PRPF38A: variants seen among roughly 807,000 people sequenced by gnomAD.
PRPF38A encodes pre-mRNA-splicing factor 38A.
PRPF38A carries 11 observed loss-of-function variants against 46.8 expected under a neutral mutation model. That is an observed-to-expected ratio of 0.24 (90% CI 0.15 to 0.39). The LOEUF is 0.39. Among genes scored for constraint, PRPF38A ranks in the 10% least tolerant of loss-of-function variants. The probability of loss-of-function intolerance (pLI) is 1.00; values close to 1 mark genes in which losing one functional copy is unlikely to be tolerated. For missense variants in PRPF38A, 261 were observed against 407.5 expected (o/e 0.64, Z 3.10); for synonymous variants, 124 against 136.2 (o/e 0.91, Z 0.62).
chr1:52,415,268 G>A (rs1459016207), intron 8 of PRPF38A, 70 bp from the exon 9 acceptor site: 2 of 1,481,032 alleles, frequency 1.4e-6, no homozygotes, highest in East Asian at 2.3e-5. Context: ...CAGGTATTAG[G>A]GGAGGTGAGA....
At chr1:52,416,109 G>T (rs2147960031) in intron 9 of PRPF38A, among the ~76,000 whole-genome samples, 1 of 152,024 alleles carries the variant, frequency 6.6e-6, no homozygotes, top group South Asian at 2.1e-4. Context: ...AAAGTGCTGG[G>T]ATTACAGGCA....
Position 52,414,812 on chromosome 1 carries a change from G to T in PRPF38A, c.800G>T (p.Arg267Leu), listed in dbSNP as rs556578387. 9 of 1,614,142 alleles carry T rather than the reference G, an allele frequency of 5.6e-6. No homozygotes were observed. The East Asian group carries it at 2.0e-4, about 36-fold the overall frequency. Residue 267 changes from arginine (R) to leucine (L), a missense_variant, in exon 8 of 10, where the codon CGC becomes CTC. Physicochemically the swap from Arg to Leu is moderately radical, Grantham distance 102 (BLOSUM62 -2). Around this residue, in one of 2 missense-constraint regions of PRPF38A, gnomAD observed 180 missense variants for 221.0 expected, o/e 0.81. Transcript: ENST00000257181. Reference sequence around the variant, plus strand: ...CGGAGCAAGAGTCCAAGACGTCACCGCAGCAGGTCCCGAGATCGGCGGCAC... The same window carrying T: ...CGGAGCAAGAGTCCAAGACGTCACCTCAGCAGGTCCCGAGATCGGCGGCAC... ...RHRSKSPRRH[R>L]SRSRDRRHRS... is the part of the protein sequence containing the mutation.
intron 5 of PRPF38A, 97 bp downstream of exon 5, chr1:52,412,721 C>A: frequency 1.3e-6 from 1 of 760,716 alleles, no homozygotes; most frequent in South Asian, 1.8e-5. Flanking sequence ...CTCTATTGGC[C>A]GGGCGTGGTC....
At chr1:52,406,467 G>C (rs1648001672) in intron 2 of PRPF38A, among the ~76,000 whole-genome samples, 2 of 152,160 alleles carry the variant, frequency 1.3e-5, no homozygotes, top group South Asian at 2.1e-4. Flanking sequence ...AACAACAAAA[G>C]GTGGTGGTTA....
rs1349599011 is a variant in PRPF38A, at chr1:52,405,728, T to C, written c.179T>C (p.Val60Ala). 1.9e-6 allele frequency: 3 copies of C among 1,613,856 alleles called. No individual in the cohort carries two copies. Among genetic ancestry groups the C allele is most frequent in the Non-Finnish European group, 2.5e-6 (3 of 1,180,028 alleles). Residue 60 changes from valine to alanine, a missense_variant, in exon 2 of 10, where the codon GTC (valine) becomes GCC (alanine). By Grantham distance (64) the Val-to-Ala change is moderately conservative. This residue lies in a region of PRPF38A where 81 missense variants were observed against 186.5 expected (regional missense o/e 0.43). Coordinates refer to ENST00000257181, the MANE Select transcript of PRPF38A (RefSeq NM_032864.4). ...ATGGAGTTAAGGTTTGTGGGTGGCG[T>C]CTATGGTGGCAACATAAAACCAACA... is the stretch of plus-strand genomic sequence containing the variant. Reference protein sequence around the residue: ...KAMELRFVGGVYGGNIKPTPF... With the variant: ...KAMELRFVGGAYGGNIKPTPF...
chr1:52,416,112 T>G (rs1459246193), intron 9 of PRPF38A, among the ~76,000 whole-genome samples: 3 of 152,070 alleles, frequency 2.0e-5, no homozygotes, highest in African/African-American at 7.2e-5. Context: ...GTGCTGGGAT[T>G]ACAGGCATGA....
chr1:52,414,019 A>G (rs1365002388), intron 6 of PRPF38A, 28 bp downstream of exon 6: 1 of 1,499,850 alleles, frequency 6.7e-7, no homozygotes, highest in African/African-American at 1.4e-5. Context: ...GCCTTTTCCC[A>G]GAAGATTTTG....
At position 52,419,863 on chromosome 1, in the gene PRPF38A, A is replaced by T. The variant is rs1476103308; in HGVS notation, c.*3173A>T. 6.6e-6 allele frequency: 1 copy of T among 152,288 alleles called. No individual in the cohort carries two copies. Among genetic ancestry groups the T allele is most frequent in the Non-Finnish European group, 1.5e-5 (1 of 68,126 alleles). The allele number at this position is 152,288 out of a possible 1,614,324, so 9.4% of individuals were successfully genotyped here. A position where few individuals can be genotyped will look rare whatever the true frequency, so the allele number is the denominator to read the frequency against. On this transcript the variant is annotated 3_prime_UTR_variant, in exon 10 of 10. Transcript: ENST00000257181. Reference sequence around the variant, plus strand: ...CAGGAGATCGAGACCATCCAGGCTAACACAGTGAAACCCGTCTCTACTAAA... The same window carrying T: ...CAGGAGATCGAGACCATCCAGGCTATCACAGTGAAACCCGTCTCTACTAAA...
chr1:52,416,034 G>A (rs1009054148), intron 9 of PRPF38A, among the ~76,000 whole-genome samples: 8 of 151,668 alleles, frequency 5.3e-5, no homozygotes, highest in Non-Finnish European at 1.0e-4. Context: ...AGTAGAGACG[G>A]GGTTTCACCA....
chr1:52,413,410 A>C (rs757630604), intron 5 of PRPF38A, among the ~76,000 whole-genome samples: 99 of 151,466 alleles, frequency 6.5e-4, no homozygotes, highest in Middle Eastern at 3.4e-3. Context: ...CAGGAAGCAA[A>C]CTTTTTTTTT....
Position 52,404,766 on chromosome 1 carries a change from T to G in PRPF38A, c.17T>G (p.Val6Gly), listed in dbSNP as rs1451287119. MANRT[V>G]KDAHSIHGTN... The stretch of plus-strand genomic sequence containing the variant: ...CATTCTAAAATGGCTAACCGTACAG[T>G]GAAGGATGCGCACAGCATCCATGGC... The change falls in exon 1 of 10, where the codon GTG (valine) becomes GGG (glycine). Residue 6 changes from valine to glycine, a missense_variant. Val to Gly is a moderately radical substitution (Grantham distance 109). This residue lies in a region of PRPF38A where 81 missense variants were observed against 186.5 expected (regional missense o/e 0.43). Transcript: ENST00000257181. The G allele has an allele frequency of 6.2e-7, 1 of 1,613,964 alleles. No homozygotes were observed. Among genetic ancestry groups the G allele is most frequent in the African/African-American group, 1.3e-5 (1 of 75,050 alleles).
At chr1:52,416,251 T>A (rs2147960104) in intron 9 of PRPF38A, among the ~76,000 whole-genome samples, 1 of 152,124 alleles carries the variant, frequency 6.6e-6, no homozygotes, top group Non-Finnish European at 1.5e-5. Context: ...AGCAGTTTAA[T>A]GAATATTGAG....
chr1:52,411,264 A>T (rs940167795), intron 4 of PRPF38A, 64 bp downstream of exon 4: 2 of 1,132,532 alleles, frequency 1.8e-6, no homozygotes, highest in African/African-American at 1.5e-5. Flanking sequence ...ACAGACAAAC[A>T]CATACACACA....
At chr1:52,406,281 C>T (rs1018291482) in intron 2 of PRPF38A, among the ~76,000 whole-genome samples, 1 of 152,152 alleles carries the variant, frequency 6.6e-6, no homozygotes, top group Admixed American at 6.5e-5. Flanking sequence ...CATGAGCCAC[C>T]ACACCCTGCC....
At chr1:52,416,337 C>T (rs1207240456) in intron 9 of PRPF38A, among the ~76,000 whole-genome samples, 1 of 150,440 alleles carries the variant, frequency 6.6e-6, no homozygotes, top group Admixed American at 6.6e-5. Flanking sequence ...GAGATGGAGT[C>T]TCACTCTGTC....
intron 3 of PRPF38A, among the ~76,000 whole-genome samples, chr1:52,409,880 G>C (rs1312545346): frequency 6.6e-6 from 1 of 151,908 alleles, no homozygotes; most frequent in Non-Finnish European, 1.5e-5. Context: ...AGTATCTCTA[G>C]CCTCTACCCA....
At chr1:52,414,111 CTGT>C in intron 6 of PRPF38A, 120 bp downstream of exon 6, 1 of 653,072 alleles carries the variant, frequency 1.5e-6, no homozygotes, top group Non-Finnish European at 2.7e-6. Flanking sequence ...TATTAGTTAT[CTGT>C]TGCTGCAAAA....
At position 52,414,617 on chromosome 1, in the gene PRPF38A, A is replaced by C; in HGVS notation, c.723-4A>C. 3.7e-6 allele frequency: 6 copies of C among 1,613,426 alleles called. No homozygotes were observed. Among genetic ancestry groups the C allele is most frequent in the Non-Finnish European group, 5.1e-6 (6 of 1,179,986 alleles). On this transcript the variant is annotated splice_polypyrimidine_tract_variant and splice_region_variant and intron_variant, in intron 6 of 9. Transcript: ENST00000257181. Reference sequence around the variant, plus strand: ...AGGCTTTCTTCTTCCTCTCCTCTTTATAGGCGGAGTCGATCTCCCAAAAGG... The same window carrying C: ...AGGCTTTCTTCTTCCTCTCCTCTTTCTAGGCGGAGTCGATCTCCCAAAAGG...
rs2147962541 is a variant in PRPF38A, at chr1:52,420,794, T to TTTTC, written c.*4108_*4111dup. 6.6e-6 allele frequency: 1 copy of TTTTC among 152,312 alleles called. No individual in the cohort carries two copies. Among genetic ancestry groups the TTTTC allele is most frequent in the African/African-American group, 2.4e-5 (1 of 41,582 alleles). The allele number at this position is 152,312 out of a possible 1,614,324, so 9.4% of individuals were successfully genotyped here. On this transcript the variant is annotated 3_prime_UTR_variant, in exon 10 of 10. Transcript: ENST00000257181. ...ACTTTGTACTTTTATATAATGCTTA[T>TTTTC]TTTCTTTTTACAATAAACATGTTAA...
Sources: allele counts gnomAD v4.1 joint callset (sites outside exome capture counted in the v4.1 genomes callset), GRCh38; gene constraint gnomAD v4.1.1; regional missense constraint gnomAD v4.1.1; transcripts MANE v1.5; gene names NCBI Gene and HGNC (gene_info 2026-07-23, HGNC 2026-07-21).